Variants in FANK1 observed in about 807,000 individuals in gnomAD.
The protein encoded by FANK1 is fibronectin type III and ankyrin repeat domains 1.
A neutral mutation model predicts 45.3 loss-of-function variants in FANK1; 44 were observed. The ratio of observed to expected loss-of-function variants is 0.97; its 90% CI spans 0.76 to 1.25. FANK1 has a LOEUF of 1.25. FANK1 is among the 50% of genes most tolerant of loss of function. The pLI, the probability that FANK1 is intolerant of heterozygous loss-of-function variation, is 0.00. For missense variants in FANK1, 391 were observed against 424.4 expected, an observed-to-expected ratio of 0.92 and a Z score of 0.69; for synonymous variants, 149 against 152.5, an observed-to-expected ratio of 0.98 and a Z score of 0.17.
chr10:125,996,754 C>T (rs10901503), intron 5 of FANK1, 130 bp downstream of exon 5: 288,522 of 741,206 alleles, frequency 0.39, 57,615 homozygotes, highest in South Asian at 0.45. Flanking sequence ...TCTCCCAAAC[C>T]GTACCATATG....
At chr10:125,907,996 T>C (rs113237506) in intron 1 of FANK1, among the ~76,000 whole-genome samples, 5 of 48,944 alleles carry the variant, frequency 1.0e-4, no homozygotes, top group African/African-American at 2.2e-4. Flanking sequence ...TTTTTCTCCC[T>C]TTTTTTTTTT....
intron 1 of FANK1, among the ~76,000 whole-genome samples, chr10:125,918,574 AAAAAAAAAAAAAT>A (rs1259982028): frequency 5.5e-5 from 7 of 126,470 alleles, no homozygotes; most frequent in Non-Finnish European, 9.7e-5. Flanking sequence ...AAAAAAAAAA[AAAAAAAAAAAAAT>A]ATATATATAT....
intron 1 of FANK1, among the ~76,000 whole-genome samples, chr10:125,905,199 A>G (rs1589779513): frequency 6.6e-6 from 1 of 152,260 alleles, no homozygotes; most frequent in African/African-American, 2.4e-5. Context: ...CTGGAGGCTG[A>G]GGTGGGAGGA....
chr10:125,899,247 A>G (rs1944840468), intron 1 of FANK1, among the ~76,000 whole-genome samples: 1 of 152,184 alleles, frequency 6.6e-6, no homozygotes, highest in Non-Finnish European at 1.5e-5. Context: ...TTTAGTAGAG[A>G]TGGGGTTTCT....
Position 125,980,270 on chromosome 10 carries a change from A to G in FANK1, c.123A>G (p.Gln41=). 6.2e-7 allele frequency: 1 copy of G among 1,614,176 alleles called. No individual in the cohort carries two copies. The highest frequency in any genetic ancestry group is 8.5e-7 in the Non-Finnish European group (1 of 1,180,022). The change falls in exon 2 of 11, where the codon CAA becomes CAG. Residue 41 remains glutamine, a synonymous_variant. Coordinates refer to ENST00000368693, the MANE Select transcript of FANK1 (RefSeq NM_145235.5). ...AGAAAGCCAAACGCCAAGGACCTCA[A>G]GAGCAGTGGTTCAGGTTCTCGATTG... The part of the protein sequence containing the change: ...LEKKAKRQGP[Q]EQWFRFSIEE...
intron 5 of FANK1, 101 bp downstream of exon 5, chr10:125,996,725 A>T: frequency 9.0e-7 from 1 of 1,109,484 alleles, no homozygotes; most frequent in East Asian, 2.4e-5. Context: ...AGGGCCATGG[A>T]GGAACCGTTT....
chr10:125,939,705 A>T (rs1318959506), intron 1 of FANK1, among the ~76,000 whole-genome samples: 1 of 152,176 alleles, frequency 6.6e-6, no homozygotes, highest in Non-Finnish European at 1.5e-5. Context: ...AACTCATGGT[A>T]TTAATAAATC....
rs12414698 is a variant in FANK1, at chr10:125,983,859, G to A, written c.191+3521G>A. 2.0e-5 allele frequency among the ~76,000 whole-genome samples: 3 copies of A among 152,262 alleles called. No homozygotes were observed. Among genetic ancestry groups the A allele is most frequent in the East Asian group, 3.9e-4 (2 of 5,178 alleles). Reference sequence around the variant, plus strand: ...AGGTGTGATCCGGCTTATGTTTTACGAGGATCCCTCTGGCTGCTGAGTTGG... The same window carrying A: ...AGGTGTGATCCGGCTTATGTTTTACAAGGATCCCTCTGGCTGCTGAGTTGG... On this transcript the variant is annotated intron_variant, in intron 2 of 10. Coordinates refer to ENST00000368693, the MANE Select transcript of FANK1 (RefSeq NM_145235.5). This position sits in a 1 kb window ranked among gnomAD's most constrained non-coding sequence, Gnocchi z 4.3.
At chr10:125,979,312 A>C (rs35451781) in intron 1 of FANK1, among the ~76,000 whole-genome samples, 60,413 of 152,016 alleles carry the variant, frequency 0.4, 12,195 homozygotes, top group South Asian at 0.46. Flanking sequence ...AGTCAGGTAC[A>C]CCAGCTGCTT....
chr10:125,912,678 T>A (rs1946124537), intron 1 of FANK1, among the ~76,000 whole-genome samples: 1 of 152,186 alleles, frequency 6.6e-6, no homozygotes, highest in Non-Finnish European at 1.5e-5. Flanking sequence ...TGCTCTGTTG[T>A]CCGGGCTGGA....
chr10:125,957,746 A>G (rs1949672047), intron 1 of FANK1, among the ~76,000 whole-genome samples: 1 of 151,992 alleles, frequency 6.6e-6, no homozygotes, highest in Admixed American at 6.6e-5. Context: ...GCTGGTCGCA[A>G]ACTCCTGGCC....
chr10:125,928,850 T>C (rs1433545425), intron 1 of FANK1, among the ~76,000 whole-genome samples: 3 of 152,248 alleles, frequency 2.0e-5, no homozygotes, highest in Non-Finnish European at 4.4e-5. Flanking sequence ...GGAATTCTTA[T>C]ATTATGGACC....
At chr10:125,956,202 T>TG (rs71486556) in intron 1 of FANK1, among the ~76,000 whole-genome samples, 14,189 of 71,924 alleles carry the variant, frequency 0.2, 1,426 homozygotes, top group African/African-American at 0.37. Context: ...ATACATTTTT[T>TG]GGGGGGGGGG....
At chr10:125,997,361 T>A (rs957420512) in intron 5 of FANK1, 59 bp from the exon 6 acceptor site, 146 of 1,403,552 alleles carry the variant, frequency 1.0e-4, no homozygotes, top group Non-Finnish European at 1.5e-4. Flanking sequence ...ACTGGACTAT[T>A]GTGGGTTCTG....
intron 2 of FANK1, among the ~76,000 whole-genome samples, chr10:125,986,362 G>A (rs112147870): frequency 0.014 from 2,105 of 152,214 alleles, 43 homozygotes; most frequent in African/African-American, 0.046. Flanking sequence ...ATCATTGAAC[G>A]TTCAGTGTTT....
At position 125,990,046 on chromosome 10, in the gene FANK1, T is replaced by C. The variant is rs190344369; in HGVS notation, c.316+1371T>C. Among the ~76,000 whole-genome samples, 8 of 152,360 alleles carry C rather than the reference T, an allele frequency of 5.3e-5. No individual in the cohort carries two copies. In the East Asian group the frequency reaches 1.5e-3, roughly 29 times the overall value. On this transcript the variant is annotated intron_variant, in intron 3 of 10. Coordinates refer to ENST00000368693, the MANE Select transcript of FANK1 (RefSeq NM_145235.5). Reference sequence around the variant, plus strand: ...ACTTCATTGCTGTGCTCACTGAGCCTGCTCCATGGGCAAGCATGGCAGGGG... The same window carrying C: ...ACTTCATTGCTGTGCTCACTGAGCCCGCTCCATGGGCAAGCATGGCAGGGG...
intron 1 of FANK1, among the ~76,000 whole-genome samples, chr10:125,968,928 T>G (rs1263849558): frequency 6.6e-6 from 1 of 152,184 alleles, no homozygotes; most frequent in Admixed American, 6.5e-5. Context: ...AAGCCCTTTA[T>G]TATTCTATAT....
intron 1 of FANK1, among the ~76,000 whole-genome samples, chr10:125,941,914 GT>G (rs1365841262): frequency 6.6e-6 from 1 of 152,166 alleles, no homozygotes; most frequent in Admixed American, 6.5e-5. Context: ...TGCAAAACTG[GT>G]GGTGGTGTCT....
At chr10:125,950,948 A>G (rs902979562) in intron 1 of FANK1, among the ~76,000 whole-genome samples, 5 of 151,302 alleles carry the variant, frequency 3.3e-5, no homozygotes, top group African/African-American at 1.2e-4. Context: ...TTGTAGGGAC[A>G]TGGATGAAAT....
Sources: allele counts gnomAD v4.1 joint callset (sites outside exome capture counted in the v4.1 genomes callset), GRCh38; gene constraint gnomAD v4.1.1; non-coding constraint Gnocchi (gnomAD v3.1); transcripts MANE v1.5; gene names NCBI Gene and HGNC (gene_info 2026-07-23, HGNC 2026-07-21).